Variants in LOXHD1 observed in about 807,000 individuals in gnomAD.
LOXHD1 encodes lipoxygenase homology PLAT domains 1.
LOXHD1 carries 205 observed loss-of-function variants against 248.2 expected under a neutral mutation model. The ratio of observed to expected loss-of-function variants is 0.83; its 90% CI spans 0.74 to 0.93. The LOEUF (loss-of-function observed/expected upper bound fraction) is 0.93, where lower values mean the gene tolerates loss of function less well. LOXHD1 is among the 40% of genes least tolerant of loss of function. The probability of loss-of-function intolerance (pLI) is 0.00; values close to 1 mark genes in which losing one functional copy is unlikely to be tolerated. For synonymous variants in LOXHD1, 1,113 were observed against 1,162.8 expected (o/e 0.96, Z 0.87); for missense variants, 2,930 against 2,971.6 (o/e 0.99, Z 0.33).
At chr18:46,534,640 C>T (rs1405917811) in intron 26 of LOXHD1, among the ~76,000 whole-genome samples, 189 bp from the exon 27 acceptor site, 5 of 152,290 alleles carry the variant, frequency 3.3e-5, no homozygotes, top group East Asian at 3.9e-4. Flanking sequence ...CCTCATGTCC[C>T]CTCTCTTAAA....
chr18:46,593,310 A>G (rs1017906331), intron 10 of LOXHD1, among the ~76,000 whole-genome samples: 2 of 152,178 alleles, frequency 1.3e-5, no homozygotes, highest in African/African-American at 2.4e-5. Flanking sequence ...TTCTGCAATG[A>G]TTCCCCAACT....
chr18:46,533,206 C>G lies in LOXHD1; in HGVS notation c.4331G>C (p.Gly1444Ala). 6.4e-7 allele frequency: 1 copy of G among 1,551,710 alleles called. No individual in the cohort carries two copies. The highest frequency in any genetic ancestry group is 8.7e-7 in the Non-Finnish European group (1 of 1,146,994). ...TTCCTTGTAGACTTGCCGTAAGGAC[C>G]CATCTTTCATGTATTTCTCAGTGAA... is the stretch of plus-strand genomic sequence containing the variant. The part of the protein sequence containing the change: ...DIFTEKYMKD[G>A]SLRQVYKEVE... The change falls in exon 28 of 41, where the codon GGG becomes GCG. Residue 1444 changes from glycine to alanine, a missense_variant. Coordinates refer to ENST00000642948, the MANE Select transcript of LOXHD1 (RefSeq NM_001384474.1).
chr18:46,538,165 G>C lies in LOXHD1; in HGVS notation c.4086C>G (p.Phe1362Leu). The change falls in exon 26 of 41, where the codon TTC becomes TTG. Residue 1362 changes from phenylalanine (F) to leucine (L), a missense_variant. Coordinates refer to ENST00000642948, the MANE Select transcript of LOXHD1 (RefSeq NM_001384474.1). The part of the protein sequence containing the change: ...QFFERKSASR[F>L]IVELEDVGEI... ...TGCTGAGCCCAAGTACCTCTACGAT[G>C]AAGCGGGAGGCAGACTTCCTCTCAA... 1 of 1,532,570 alleles carries C rather than the reference G, an allele frequency of 6.5e-7. No homozygotes were observed. Among genetic ancestry groups the C allele is most frequent in the Non-Finnish European group, 8.8e-7 (1 of 1,130,936 alleles). 94.9% of individuals were successfully genotyped at this position (1,532,570 alleles called of 1,614,324 possible).
At chr18:46,635,254 G>T (rs886606663) in intron 4 of LOXHD1, among the ~76,000 whole-genome samples, 1 of 152,106 alleles carries the variant, frequency 6.6e-6, no homozygotes, top group Non-Finnish European at 1.5e-5. Context: ...AGGAAGGCTT[G>T]ACTCAAACCA....
intron 4 of LOXHD1, among the ~76,000 whole-genome samples, chr18:46,632,141 G>A (rs1057508190): frequency 1.2e-4 from 18 of 152,326 alleles, no homozygotes; most frequent in East Asian, 7.7e-4. Context: ...GCTACTTCTC[G>A]GAGTTTTAAG....
chr18:46,546,653 A>G (rs2036854349), intron 22 of LOXHD1, among the ~76,000 whole-genome samples: 1 of 151,722 alleles, frequency 6.6e-6, no homozygotes, highest in African/African-American at 2.4e-5. Context: ...ATTCCATTTC[A>G]TTTCTGACAA....
chr18:46,628,336 T>G (rs116998764), intron 4 of LOXHD1, among the ~76,000 whole-genome samples: 213 of 152,292 alleles, frequency 1.4e-3, no homozygotes, highest in African/African-American at 4.7e-3. Context: ...TGCTGTGAGC[T>G]TCAGTGGAGG....
At chr18:46,580,597 C>A (rs1213881297) in intron 12 of LOXHD1, among the ~76,000 whole-genome samples, 3 of 152,106 alleles carry the variant, frequency 2.0e-5, no homozygotes, top group African/African-American at 7.2e-5. Context: ...TGCCAGGCAC[C>A]ATTAACAGTA....
At chr18:46,507,516 G>T in intron 36 of LOXHD1, 22 bp downstream of exon 36, 1 of 1,551,460 alleles carries the variant, frequency 6.4e-7, no homozygotes, top group African/African-American at 1.4e-5. Flanking sequence ...GGAGCGGGAG[G>T]TGTGAGGGAC....
chr18:46,646,835 C>G (rs1212440124), intron 2 of LOXHD1, among the ~76,000 whole-genome samples: 3 of 152,230 alleles, frequency 2.0e-5, no homozygotes, highest in Non-Finnish European at 4.4e-5. Context: ...TACCACTGGC[C>G]TTTGCCGAGC....
intron 5 of LOXHD1, among the ~76,000 whole-genome samples, chr18:46,611,500 G>T (rs1186269184): frequency 6.6e-6 from 1 of 152,184 alleles, no homozygotes; most frequent in Admixed American, 6.5e-5. Context: ...AGTCATGCAG[G>T]TTATAAGCAC....
chr18:46,545,622 C>T (rs1258725796), intron 22 of LOXHD1, among the ~76,000 whole-genome samples: 1 of 108,840 alleles, frequency 9.2e-6, no homozygotes, highest in Non-Finnish European at 1.9e-5. Flanking sequence ...TCCTCTTGGC[C>T]ATTTCTTTTT....
At chr18:46,566,520 C>T in intron 16 of LOXHD1, 71 bp from the exon 17 acceptor site, 2 of 1,330,382 alleles carry the variant, frequency 1.5e-6, no homozygotes, top group African/African-American at 1.4e-5. Context: ...ATCCCTACCT[C>T]CCCAAACACC....
chr18:46,622,314 T>C (rs2038679457), intron 4 of LOXHD1, among the ~76,000 whole-genome samples: 1 of 152,258 alleles, frequency 6.6e-6, no homozygotes, highest in South Asian at 2.1e-4. Flanking sequence ...TATGCTACAG[T>C]AAGACTTTAT....
chr18:46,644,746 G>T (rs1396702480), intron 2 of LOXHD1, among the ~76,000 whole-genome samples: 1 of 151,988 alleles, frequency 6.6e-6, no homozygotes, highest in Non-Finnish European at 1.5e-5. Flanking sequence ...AAAAATGTGA[G>T]TTATCTCCAT....
Position 46,618,298 on chromosome 18 carries a change from C to G in LOXHD1, c.512-8G>C. On this transcript the variant is annotated splice_region_variant and splice_polypyrimidine_tract_variant and intron_variant, in intron 4 of 40. Coordinates refer to ENST00000642948, the MANE Select transcript of LOXHD1 (RefSeq NM_001384474.1). ...TGACTTCATACTTATTACCTAGGAA[C>G]AAGGAGAGAGAAAAACCTTAGCTCA... The G allele has an allele frequency of 6.5e-7, 1 of 1,541,448 alleles. No individual in the cohort carries two copies. The highest frequency in any genetic ancestry group is 1.7e-4 in the Middle Eastern group (1 of 5,964).
At chr18:46,601,493 A>T (rs1362206280) in intron 7 of LOXHD1, 26 bp from the exon 8 acceptor site, 1 of 1,551,688 alleles carries the variant, frequency 6.4e-7, no homozygotes. Flanking sequence ...CAGGAAAGAG[A>T]GTGTTCAATG....
intron 1 of LOXHD1, among the ~76,000 whole-genome samples, chr18:46,650,506 G>C (rs2039095469): frequency 1.3e-5 from 2 of 152,200 alleles, no homozygotes; most frequent in South Asian, 4.1e-4. Context: ...GATTGTACCT[G>C]ATTATCACGG....
intron 34 of LOXHD1, among the ~76,000 whole-genome samples, chr18:46,511,487 C>T (rs2034960292): frequency 1.3e-5 from 2 of 152,318 alleles, no homozygotes; most frequent in Non-Finnish European, 2.9e-5. Context: ...TCACGTCCTT[C>T]CTATTCTGGT....
Sources: allele counts gnomAD v4.1 joint callset (sites outside exome capture counted in the v4.1 genomes callset), GRCh38; gene constraint gnomAD v4.1.1; transcripts MANE v1.5; gene names NCBI Gene and HGNC (gene_info 2026-07-23, HGNC 2026-07-21).